PHF24: variants seen among roughly 807,000 people sequenced by gnomAD.
PHF24 encodes Galpha inhibitory interacting protein.
Under a neutral mutation model 42.6 loss-of-function variants are expected in PHF24, and 25 were observed. That is an observed-to-expected ratio of 0.59 (90% CI 0.43 to 0.82). The LOEUF is 0.82. Among genes scored for constraint, PHF24 ranks in the 40% least tolerant of loss-of-function variants. PHF24 has a pLI of 0.00. For missense variants in PHF24, 470 were observed against 538.1 expected (o/e 0.87, Z 1.25); for synonymous variants, 185 against 204.8 (o/e 0.90, Z 0.83).
the PHF24 span, among the ~76,000 whole-genome samples, chr9:34,892,445 G>A: frequency 0.039 from 5,928 of 152,264 alleles, 310 homozygotes; most frequent in African/African-American, 0.12. Flanking sequence ...TGTGGTATAA[G>A]CTGCCCTGTA....
the PHF24 span, chr9:34,893,051 A>G: frequency 1.1e-6 from 1 of 881,240 alleles, no homozygotes; most frequent in Non-Finnish European, 1.8e-6. Flanking sequence ...CTCACCTGCC[A>G]GCAATTGCTT....
At chr9:34,794,160 A>G in the PHF24 span, among the ~76,000 whole-genome samples, 4 of 152,100 alleles carry the variant, frequency 2.6e-5, no homozygotes, top group African/African-American at 9.7e-5. Context: ...AATCTCTGAA[A>G]TCTAAACTGT....
chr9:34,865,121 G>A, the PHF24 span, among the ~76,000 whole-genome samples: 1 of 138,912 alleles, frequency 7.2e-6, no homozygotes, highest in Non-Finnish European at 1.5e-5. Context: ...AGAGGTTGCA[G>A]TGAGCTGAGA....
chr9:34,933,799 A>G, the PHF24 span, among the ~76,000 whole-genome samples: 2 of 151,032 alleles, frequency 1.3e-5, no homozygotes, highest in African/African-American at 4.9e-5. Flanking sequence ...TTTGAGACAG[A>G]GTCTCGCTCT....
chr9:34,723,583 C>T, the PHF24 span: 2 of 1,551,756 alleles, frequency 1.3e-6, no homozygotes, highest in Non-Finnish European at 1.7e-6. Context: ...TAATATGCTG[C>T]AGAAAACATT....
the PHF24 span, among the ~76,000 whole-genome samples, chr9:34,788,515 A>T: frequency 6.6e-6 from 1 of 152,192 alleles, no homozygotes; most frequent in East Asian, 1.9e-4. Flanking sequence ...CAGCTTTATG[A>T]ATTGTCTTCT....
chr9:34,936,493 C>A, the PHF24 span, among the ~76,000 whole-genome samples: 5 of 152,032 alleles, frequency 3.3e-5, no homozygotes, highest in African/African-American at 1.2e-4. Context: ...GCCGCCACCC[C>A]GTCTGGGAAG....
chr9:34,736,419 A>G, the PHF24 span, among the ~76,000 whole-genome samples: 1 of 152,148 alleles, frequency 6.6e-6, no homozygotes, highest in African/African-American at 2.4e-5. Context: ...AGACCCTCCC[A>G]TCTCAGCCTC....
chr9:34,747,997 G>A, the PHF24 span, among the ~76,000 whole-genome samples: 15 of 152,178 alleles, frequency 9.9e-5, no homozygotes, highest in East Asian at 7.7e-4. Flanking sequence ...ACTCCTATAC[G>A]TAACTGCACA....
chr9:34,785,249 A>G, the PHF24 span, among the ~76,000 whole-genome samples: 2 of 152,220 alleles, frequency 1.3e-5, no homozygotes, highest in African/African-American at 4.8e-5. Flanking sequence ...ACATAGGTGA[A>G]GGCAGATGAA....
At chr9:34,839,061 G>A in the PHF24 span, among the ~76,000 whole-genome samples, 3 of 152,232 alleles carry the variant, frequency 2.0e-5, no homozygotes, top group Admixed American at 6.5e-5. Flanking sequence ...TAGGGTGATA[G>A]GGAGAGGCCA....
chr9:34,690,639 C>T, the PHF24 span, among the ~76,000 whole-genome samples: 6,760 of 152,174 alleles, frequency 0.044, 227 homozygotes, highest in South Asian at 0.067. Context: ...CCCAACCTCT[C>T]TCCCAGGACA....
intron 1 of PHF24, among the ~76,000 whole-genome samples, chr9:34,960,172 C>CG (rs1449502713): frequency 6.6e-6 from 1 of 152,146 alleles, no homozygotes. Flanking sequence ...TGTCCAAAAA[C>CG]GGAGTGGTGA....
the PHF24 span, among the ~76,000 whole-genome samples, chr9:34,711,390 G>A: frequency 6.6e-6 from 1 of 151,692 alleles, no homozygotes; most frequent in Non-Finnish European, 1.5e-5. Flanking sequence ...GGGCCACCAT[G>A]CCTGGCTAAT....
At chr9:34,708,036 T>C in the PHF24 span, among the ~76,000 whole-genome samples, 8 of 151,990 alleles carry the variant, frequency 5.3e-5, no homozygotes, top group African/African-American at 1.9e-4. Context: ...GGCCTTGAGG[T>C]TCCTACCTTT....
At chr9:34,844,545 G>C in the PHF24 span, among the ~76,000 whole-genome samples, 1 of 152,016 alleles carries the variant, frequency 6.6e-6, no homozygotes, top group Admixed American at 6.6e-5. Context: ...TGATCCATTG[G>C]TTATTCAGGA....
the PHF24 span, among the ~76,000 whole-genome samples, chr9:34,851,037 CG>C: frequency 6.6e-6 from 1 of 151,926 alleles, no homozygotes; most frequent in Non-Finnish European, 1.5e-5. Context: ...TTAGGCTGCT[CG>C]GGGGTCAGGG....
intron 3 of PHF24, among the ~76,000 whole-genome samples, chr9:34,975,015 G>T (rs1446735053): frequency 6.6e-6 from 1 of 152,048 alleles, no homozygotes; most frequent in East Asian, 1.9e-4. Context: ...TGCCTGGACT[G>T]TTGCGGCAGC....
the PHF24 span, among the ~76,000 whole-genome samples, chr9:34,672,101 T>C: frequency 6.6e-6 from 1 of 152,230 alleles, no homozygotes; most frequent in East Asian, 1.9e-4. Flanking sequence ...ATGAAGTGGA[T>C]TGCTGTGGGC....
Sources: gnomAD v4.1 joint callset for allele counts (sites outside exome capture counted in the v4.1 genomes callset) on GRCh38, gnomAD v4.1.1 for gene constraint, MANE v1.5 for transcripts, NCBI Gene and HGNC (gene_info 2026-07-23, HGNC 2026-07-21) for gene names.